The following NCKAP5 variants were observed in gnomAD, a reference collection of about 807,000 sequenced individuals.
The protein encoded by NCKAP5 is nck-associated protein 5.
In NCKAP5, 92 loss-of-function variants were observed where a neutral mutation model predicts 167.0. The ratio of observed to expected loss-of-function variants is 0.55; its 90% confidence interval spans 0.47 to 0.66. The LOEUF (loss-of-function observed/expected upper bound fraction) is 0.66. Ranked by LOEUF, NCKAP5 falls within the 30% of genes least tolerant of loss-of-function variation. The probability of loss-of-function intolerance (pLI) is 0.00; values close to 1 mark genes in which losing one functional copy is unlikely to be tolerated. For synonymous variants in NCKAP5, 891 were observed against 877.4 expected (o/e 1.02, Z -0.27); for missense variants, 2,378 against 2,315.0 (o/e 1.03, Z -0.56).
At chr2:133,511,657 A>G (rs1232716921) in intron 3 of NCKAP5, among the ~76,000 whole-genome samples, 1 of 152,224 alleles carries the variant, frequency 6.6e-6, no homozygotes, top group Non-Finnish European at 1.5e-5. Flanking sequence ...ATGTCACGCC[A>G]TCTTCTGATA....
chr2:133,024,560 A>G (rs1019752964), intron 6 of NCKAP5, among the ~76,000 whole-genome samples: 1 of 152,248 alleles, frequency 6.6e-6, no homozygotes, highest in Non-Finnish European at 1.5e-5. Flanking sequence ...TATTTAGTAC[A>G]CTAAATGTAG....
At chr2:133,543,697 C>T (rs1686418673) in intron 2 of NCKAP5, among the ~76,000 whole-genome samples, 1 of 152,224 alleles carries the variant, frequency 6.6e-6, no homozygotes, top group Non-Finnish European at 1.5e-5. Context: ...CCTACAAAAT[C>T]TACCAAATTT....
chr2:132,675,766 T>C (rs985074995), intron 19 of NCKAP5, among the ~76,000 whole-genome samples: 1 of 152,018 alleles, frequency 6.6e-6, no homozygotes, highest in African/African-American at 2.4e-5. Flanking sequence ...CTTACAGATT[T>C]GTTGCTTCAG....
At chr2:133,525,748 T>G (rs1684818892) in intron 2 of NCKAP5, among the ~76,000 whole-genome samples, 1 of 152,128 alleles carries the variant, frequency 6.6e-6, no homozygotes. Context: ...TCACTCTCAG[T>G]GGGGACACAA....
intron 3 of NCKAP5, among the ~76,000 whole-genome samples, chr2:133,326,579 C>T (rs1231178484): frequency 2.6e-5 from 4 of 151,962 alleles, no homozygotes; most frequent in East Asian, 1.9e-4. Context: ...TCCATTCCCT[C>T]GGAGACATTT....
At chr2:133,343,436 T>G (rs191860905) in intron 3 of NCKAP5, among the ~76,000 whole-genome samples, 3 of 150,974 alleles carry the variant, frequency 2.0e-5, no homozygotes, top group Non-Finnish European at 4.4e-5. Context: ...AAAAAAAGAA[T>G]AAAACCTGTG....
At chr2:133,092,384 A>G (rs1213463948) in intron 6 of NCKAP5, among the ~76,000 whole-genome samples, 1 of 152,182 alleles carries the variant, frequency 6.6e-6, no homozygotes, top group Non-Finnish European at 1.5e-5. Context: ...AGAAGCTAGG[A>G]AGGAGCAAAG....
chr2:132,746,607 C>A (rs899591138), intron 16 of NCKAP5, among the ~76,000 whole-genome samples: 1 of 152,092 alleles, frequency 6.6e-6, no homozygotes, highest in African/African-American at 2.4e-5. Context: ...AACATATACC[C>A]ATCATGCAAC....
At chr2:132,851,798 A>G (rs1452621851) in intron 11 of NCKAP5, among the ~76,000 whole-genome samples, 2 of 152,234 alleles carry the variant, frequency 1.3e-5, no homozygotes, top group Admixed American at 6.5e-5. Context: ...GGCCAGTTCC[A>G]GAAAGCTGCT....
chr2:133,450,142 C>A (rs945234316), intron 3 of NCKAP5, among the ~76,000 whole-genome samples: 6 of 143,738 alleles, frequency 4.2e-5, no homozygotes, highest in African/African-American at 1.8e-4. Flanking sequence ...CACGCGCGTG[C>A]GTGCGTGCAC....
chr2:132,994,355 T>C (rs998155787), intron 6 of NCKAP5, 116 bp from the exon 7 acceptor site: 12 of 695,194 alleles, frequency 1.7e-5, no homozygotes, highest in East Asian at 1.4e-4. Context: ...CCTGGAAATC[T>C]CTTTTCTCTC....
chr2:133,349,811 A>C (rs900138851), intron 3 of NCKAP5, among the ~76,000 whole-genome samples: 1 of 151,366 alleles, frequency 6.6e-6, no homozygotes, highest in Admixed American at 6.6e-5. Context: ...TGTACCCTCA[A>C]CTCTAGCCTG....
the NCKAP5 span, among the ~76,000 whole-genome samples, chr2:133,670,396 A>T: frequency 6.6e-6 from 1 of 152,212 alleles, no homozygotes; most frequent in Non-Finnish European, 1.5e-5. Flanking sequence ...AGGTGAGATT[A>T]TTGCCTATAA....
intron 3 of NCKAP5, among the ~76,000 whole-genome samples, chr2:133,367,559 T>TCACA (rs1559421922): frequency 1.3e-5 from 2 of 152,180 alleles, no homozygotes; most frequent in Non-Finnish European, 2.9e-5. Context: ...GTTACAAGGA[T>TCACA]TATAGATCAC....
At position 132,731,910 on chromosome 2, in the gene NCKAP5, G is replaced by T. The variant is rs1239589267; in HGVS notation, c.5270C>A (p.Ala1757Asp). 1 of 1,613,792 alleles carries T rather than the reference G, an allele frequency of 6.2e-7. No individual in the cohort carries two copies. The highest frequency in any genetic ancestry group is 1.3e-5 in the African/African-American group (1 of 74,908). The change falls in exon 17 of 20, where the codon GCC becomes GAC. Residue 1757 changes from alanine (A) to aspartate (D), a missense_variant. Ala to Asp is a moderately radical substitution (Grantham distance 126). Transcript: ENST00000409261. ...DAEPLLPLQS[A>D]LSAVSSMRAQ... ...TCTCATGGAAGAAACTGCAGAAAGG[G>T]CTGACTGGAGAGGCAGGAGAGGCTC...
chr2:132,990,163 G>A (rs2077409869), intron 7 of NCKAP5, among the ~76,000 whole-genome samples: 1 of 152,194 alleles, frequency 6.6e-6, no homozygotes, highest in African/African-American at 2.4e-5. Context: ...TAAAAGAGAA[G>A]TGGATTATTA....
chr2:133,528,419 G>A (rs1055324173), intron 2 of NCKAP5, among the ~76,000 whole-genome samples: 5 of 151,770 alleles, frequency 3.3e-5, no homozygotes, highest in Non-Finnish European at 7.4e-5. Context: ...ACAGACCAGT[G>A]CTTCTCAAAT....
intron 4 of NCKAP5, among the ~76,000 whole-genome samples, chr2:133,293,632 T>C (rs186680486): frequency 1.3e-5 from 2 of 152,320 alleles, no homozygotes; most frequent in Non-Finnish European, 2.9e-5. Flanking sequence ...CTATAATAAG[T>C]ATCCTTTGGT....
At chr2:133,223,669 A>C (rs1454303525) in intron 4 of NCKAP5, among the ~76,000 whole-genome samples, 1 of 152,174 alleles carries the variant, frequency 6.6e-6, no homozygotes, top group Non-Finnish European at 1.5e-5. Flanking sequence ...CAAAACTTTA[A>C]AACAGCAACA....
Sources: allele counts gnomAD v4.1 joint callset (sites outside exome capture counted in the v4.1 genomes callset), GRCh38; gene constraint gnomAD v4.1.1; transcripts MANE v1.5; gene names NCBI Gene and HGNC (gene_info 2026-07-23, HGNC 2026-07-21).